Variants in KPNA7 observed in about 807,000 individuals in gnomAD.
The protein encoded by KPNA7 is importin subunit alpha-8.
KPNA7 carries 54 observed loss-of-function variants against 53.7 expected under a neutral mutation model. The ratio of observed to expected loss-of-function variants is 1.01; its 90% confidence interval spans 0.81 to 1.26. The LOEUF (loss-of-function observed/expected upper bound fraction) is 1.26. Among genes scored for constraint, KPNA7 ranks in the 50% most tolerant of loss-of-function variants. The pLI, the probability that KPNA7 is intolerant of heterozygous loss-of-function variation, is 0.00. For synonymous variants in KPNA7, 276 were observed against 259.3 expected, an observed-to-expected ratio of 1.06 and a Z score of -0.62; for missense variants, 640 against 644.5, an observed-to-expected ratio of 0.99 and a Z score of 0.07.
At chr7:99,188,278 C>T (rs1303447948) in intron 7 of KPNA7, 22 bp downstream of exon 7, 1 of 1,542,576 alleles carries the variant, frequency 6.5e-7, no homozygotes, top group African/African-American at 1.4e-5. Context: ...CTCGAATCCA[C>T]AGGGCCCAGG....
chr7:99,172,910 G>T (rs186500133), downstream of KPNA7, among the ~76,000 whole-genome samples: 1 of 151,744 alleles, frequency 6.6e-6, no homozygotes, highest in East Asian at 2.0e-4. Context: ...CAAAAATACA[G>T]AAATTAGCCC....
At chr7:99,207,707 T>C (rs959447740) in intron 1 of KPNA7, among the ~76,000 whole-genome samples, 1 of 131,422 alleles carries the variant, frequency 7.6e-6, no homozygotes, top group East Asian at 2.5e-4. Flanking sequence ...GGGATATCAG[T>C]TCACTGCAAC....
At chr7:99,158,178 C>T in the KPNA7 span, among the ~76,000 whole-genome samples, 1 of 152,164 alleles carries the variant, frequency 6.6e-6, no homozygotes, top group Non-Finnish European at 1.5e-5. Flanking sequence ...AGCCACCACA[C>T]CCAACTGGAT....
At chr7:99,168,252 T>C in the KPNA7 span, among the ~76,000 whole-genome samples, 1 of 152,200 alleles carries the variant, frequency 6.6e-6, no homozygotes, top group Admixed American at 6.6e-5. Flanking sequence ...GTTAAACACA[T>C]TGATACTTAG....
the KPNA7 span, among the ~76,000 whole-genome samples, chr7:99,160,011 G>GTT: frequency 7.8e-4 from 65 of 83,200 alleles, 1 homozygote; most frequent in African/African-American, 3.1e-3. Flanking sequence ...CTCCTCTGTT[G>GTT]TTTTTGTTTT....
chr7:99,210,997 T>C (rs1791054714), upstream of KPNA7, among the ~76,000 whole-genome samples: 1 of 151,626 alleles, frequency 6.6e-6, no homozygotes, highest in South Asian at 2.1e-4. Context: ...AAGAGAAAAT[T>C]GGATAAAGAA....
At chr7:99,193,539 A>G (rs916752133) in intron 5 of KPNA7, among the ~76,000 whole-genome samples, 8 of 152,212 alleles carry the variant, frequency 5.3e-5, no homozygotes, top group Admixed American at 2.6e-4. Flanking sequence ...AGACCCTAGA[A>G]GTCTATTTGT....
the KPNA7 span, among the ~76,000 whole-genome samples, chr7:99,157,231 C>A: frequency 7.2e-5 from 11 of 152,222 alleles, no homozygotes; most frequent in East Asian, 1.9e-3. Flanking sequence ...ATTTTCTTGA[C>A]AGAGTTTTGC....
intron 10 of KPNA7, among the ~76,000 whole-genome samples, chr7:99,174,029 C>A (rs532104673): frequency 1.3e-5 from 2 of 152,182 alleles, no homozygotes; most frequent in African/African-American, 4.8e-5. Context: ...GGGTCCCCAA[C>A]CCCGCATCCG....
chr7:99,182,897 G>A (rs4729521), intron 8 of KPNA7, among the ~76,000 whole-genome samples: 5 of 151,876 alleles, frequency 3.3e-5, no homozygotes. Context: ...GAAGCTGTAA[G>A]CCTGGGTACA....
chr7:99,177,854 G>A, intron 10 of KPNA7, 66 bp downstream of exon 10: 2 of 1,510,684 alleles, frequency 1.3e-6, no homozygotes, highest in Admixed American at 4.2e-5. Flanking sequence ...CCCCGGCAGG[G>A]TGACCCTCTG....
chr7:99,165,350 C>T, the KPNA7 span, among the ~76,000 whole-genome samples: 1 of 151,010 alleles, frequency 6.6e-6, no homozygotes, highest in East Asian at 1.9e-4. Flanking sequence ...GGCCAAAGAT[C>T]TGCCACCTAG....
At chr7:99,157,329 T>G in the KPNA7 span, among the ~76,000 whole-genome samples, 1 of 151,926 alleles carries the variant, frequency 6.6e-6, no homozygotes, top group African/African-American at 2.4e-5. Flanking sequence ...CCTGCCTCAG[T>G]CTCCTGAGTA....
chr7:99,163,376 TATA>T, the KPNA7 span, among the ~76,000 whole-genome samples: 1,232 of 67,780 alleles, frequency 0.018, 23 homozygotes, highest in East Asian at 0.048. Flanking sequence ...TATATATATA[TATA>T]TATATTTTTT....
the KPNA7 span, among the ~76,000 whole-genome samples, chr7:99,152,388 G>C: frequency 6.7e-6 from 1 of 148,762 alleles, no homozygotes; most frequent in Non-Finnish European, 1.5e-5. Flanking sequence ...AAAAAGGAAA[G>C]AAAAAGAAAA....
intron 4 of KPNA7, among the ~76,000 whole-genome samples, chr7:99,195,577 C>G (rs1790188511): frequency 6.6e-6 from 1 of 152,084 alleles, no homozygotes; most frequent in African/African-American, 2.4e-5. Flanking sequence ...TGGTGCACAC[C>G]TGTAATCTCA....
upstream of KPNA7, among the ~76,000 whole-genome samples, chr7:99,210,965 T>A (rs1791053936): frequency 6.6e-6 from 1 of 150,384 alleles, no homozygotes; most frequent in South Asian, 2.1e-4. Context: ...CCATACGAGA[T>A]GGTCCAGACT....
chr7:99,184,833 A>G (rs1445818634), intron 8 of KPNA7, 96 bp downstream of exon 8: 12 of 1,026,200 alleles, frequency 1.2e-5, no homozygotes, highest in Non-Finnish European at 1.6e-5. Context: ...TGTGATCTCA[A>G]TTTGCTTCTG....
intron 5 of KPNA7, among the ~76,000 whole-genome samples, chr7:99,194,081 G>A (rs976899263): frequency 6.6e-6 from 1 of 152,132 alleles, no homozygotes; most frequent in African/African-American, 2.4e-5. Flanking sequence ...TGCTGACTCA[G>A]TCACGGGAGT....
Sources: gnomAD v4.1 joint callset for allele counts (sites outside exome capture counted in the v4.1 genomes callset) on GRCh38, gnomAD v4.1.1 for gene constraint, MANE v1.5 for transcripts, NCBI Gene and HGNC (gene_info 2026-07-23, HGNC 2026-07-21) for gene names.